TMEM54: variants seen among roughly 807,000 people sequenced by gnomAD.
TMEM54 encodes the protein transmembrane protein 54, also known as beta-casein-like protein.
A neutral mutation model predicts 21.3 loss-of-function variants in TMEM54; 21 were observed. That is an observed-to-expected ratio of 0.99 (90% CI 0.70 to 1.42). TMEM54 has a LOEUF of 1.42. Among genes scored for constraint, TMEM54 ranks in the 40% most tolerant of loss-of-function variants. TMEM54 has a pLI of 0.00. For synonymous variants in TMEM54, 109 were observed against 125.0 expected (o/e 0.87, Z 0.86); for missense variants, 246 against 294.0 (o/e 0.84, Z 1.19).
rs1641570537 is a variant in TMEM54, at chr1:32,895,555, A to G, written c.459T>C (p.Tyr153=). 1.9e-6 allele frequency: 3 copies of G among 1,594,268 alleles called. No homozygotes were observed. The highest frequency in any genetic ancestry group is 1.7e-4 in the Middle Eastern group (1 of 6,040). ...PDCPFDPTRI[Y]SSSLCLWGIA... is the part of the protein sequence containing the mutation. Reference sequence around the variant, plus strand: ...CCCTACTCCAGGCCTAGGTACTCACATAAATGCGTGTGGGGTCGAAGGGAC... The same window carrying G: ...CCCTACTCCAGGCCTAGGTACTCACGTAAATGCGTGTGGGGTCGAAGGGAC... Residue 153 remains tyrosine, a splice_region_variant and synonymous_variant, in exon 4 of 6, where the codon TAT becomes TAC. Coordinates refer to ENST00000373463, the MANE Select transcript of TMEM54 (RefSeq NM_033504.4). The surrounding 1 kb of genome is among the most constrained non-coding windows in gnomAD (Gnocchi z 5.8).
rs1336806311 is a variant in TMEM54, at chr1:32,896,735, TG to T, written c.211-767del. Among the ~76,000 whole-genome samples, 5 of 152,218 alleles carry T rather than the reference TG, an allele frequency of 3.3e-5. No individual in the cohort carries two copies. Among genetic ancestry groups the T allele is most frequent in the African/African-American group, 1.2e-4 (5 of 41,462 alleles). On this transcript the variant is annotated intron_variant, in intron 2 of 5. Transcript: ENST00000373463. This position sits in a 1 kb window ranked among gnomAD's most constrained non-coding sequence, Gnocchi z 4.1. ...CTGATGTTCCTCACTGGACCAGGCT[TG>T]GGCCGGACCCATCTGAGGCAGGTGG...
Position 32,894,681 on chromosome 1 carries a change from C to T in TMEM54, c.*124G>A, listed in dbSNP as rs1157399806. On this transcript the variant is annotated 3_prime_UTR_variant, in exon 6 of 6. Transcript: ENST00000373463. The stretch of plus-strand genomic sequence containing the variant: ...GTGGTGGGGGAGAGGGTTGAAAGCC[C>T]CACTTGGGTCCCCGAGGGTCCATTG... 2 of 1,358,670 alleles carry T rather than the reference C, an allele frequency of 1.5e-6. No individual in the cohort carries two copies. Among genetic ancestry groups the T allele is most frequent in the Admixed American group, 2.1e-5 (1 of 47,128 alleles). The allele number at this position is 1,358,670 out of a possible 1,614,324, so 84.2% of individuals were successfully genotyped here. A position where few individuals can be genotyped will look rare whatever the true frequency, so the allele number is the denominator to read the frequency against.
rs1003369436 is a variant in TMEM54 at position 32,895,742 on chromosome 1, C to T, written c.272G>A (p.Arg91His). The change falls in exon 4 of 6, where the codon CGC (arginine) becomes CAC (histidine). Residue 91 changes from arginine to histidine, a missense_variant and splice_region_variant. Physicochemically the swap from Arg to His is conservative, Grantham distance 29 (BLOSUM62 0). Transcript: ENST00000373463. This position sits in a 1 kb window ranked among gnomAD's most constrained non-coding sequence, Gnocchi z 5.8. ...LSRYLPSTPL[R>H]WTVFSSSVAC... ...CACGCTCGAGCTAAACACTGTCCAG[C>T]GCTGGACGGGGGAGGCCACTGGTCA... 10 of 1,555,072 alleles carry T rather than the reference C, an allele frequency of 6.4e-6. No individual in the cohort carries two copies. The East Asian group carries it at 7.2e-5, about 11-fold the overall frequency.
chr1:32,894,994 G>A (rs1641550752), intron 5 of TMEM54, 115 bp from the exon 6 acceptor site: 1 of 1,497,146 alleles, frequency 6.7e-7, no homozygotes, highest in African/African-American at 1.4e-5. Flanking sequence ...GGGGCAAAGG[G>A]GCATCACTAC....
In TMEM54 at chr1:32,894,665, G is replaced by GA. The variant is rs765516155; in HGVS notation, c.*139dup. 37 of 1,083,814 alleles carry GA rather than the reference G, an allele frequency of 3.4e-5. 2 individuals carry two copies. The highest frequency in any genetic ancestry group is 2.2e-4 in the East Asian group (9 of 41,362). 67.1% of individuals were successfully genotyped at this position (1,083,814 alleles called of 1,614,324 possible). A position where few individuals can be genotyped will look rare whatever the true frequency, so the allele number is the denominator to read the frequency against. ...CAGTGCAGTGGGCTGGGTGGTGGGG[G>GA]AGAGGGTTGAAAGCCCCACTTGGGT... On this transcript the variant is annotated 3_prime_UTR_variant, in exon 6 of 6. Transcript: ENST00000373463.
chr1:32,894,690 T>C lies in TMEM54; in HGVS notation c.*115A>G. The C allele has an allele frequency of 1.4e-6, 2 of 1,435,966 alleles. No individual in the cohort carries two copies. Among genetic ancestry groups the C allele is most frequent in the Non-Finnish European group, 1.9e-6 (2 of 1,053,232 alleles). 89.0% of individuals were successfully genotyped at this position (1,435,966 alleles called of 1,614,324 possible). A position where few individuals can be genotyped will look rare whatever the true frequency, so the allele number is the denominator to read the frequency against. ...GAGAGGGTTGAAAGCCCCACTTGGG[T>C]CCCCGAGGGTCCATTGAGCCCTCTC... is the stretch of plus-strand genomic sequence containing the variant. On this transcript the variant is annotated 3_prime_UTR_variant, in exon 6 of 6. Transcript: ENST00000373463.
chr1:32,897,925 C>G lies in TMEM54; in HGVS notation c.210+201G>C, dbSNP rs1405967823. 7.3e-6 allele frequency: 4 copies of G among 546,102 alleles called. No individual in the cohort carries two copies. The Admixed American group carries it at 1.2e-4, about 17-fold the overall frequency. The allele number at this position is 546,102 out of a possible 1,614,324, so 33.8% of individuals were successfully genotyped here. On this transcript the variant is annotated intron_variant, in intron 2 of 5. Transcript: ENST00000373463. The surrounding 1 kb of genome is among the most constrained non-coding windows in gnomAD (Gnocchi z 4.9). The stretch of plus-strand genomic sequence containing the variant: ...ATGATCTCATCAGTACCCATTAGGA[C>G]CCTCAGAGGTAAACACTGTTACCAT...
At position 32,900,276 on chromosome 1, in the gene TMEM54, G is replaced by C. The variant is rs140827969; in HGVS notation, c.16+947C>G. On this transcript the variant is annotated intron_variant, in intron 1 of 5. Transcript: ENST00000373463. Reference sequence around the variant, plus strand: ...ATTGATTGAGACAGGGTCTTACTCTGTAGCCCAGGCTGGAGTGCACTGGCC... The same window carrying C: ...ATTGATTGAGACAGGGTCTTACTCTCTAGCCCAGGCTGGAGTGCACTGGCC... Among the ~76,000 whole-genome samples the C allele has an allele frequency of 2.1e-3, 320 of 152,342 alleles. 2 individuals are homozygous for C. Among genetic ancestry groups the C allele is most frequent in the African/African-American group, 7.5e-3 (310 of 41,580 alleles).
chr1:32,899,391 GAAAA>G (rs11284140), intron 1 of TMEM54, among the ~76,000 whole-genome samples: 6 of 122,986 alleles, frequency 4.9e-5, no homozygotes, highest in African/African-American at 6.1e-5. Context: ...CTCTGCAGCT[GAAAA>G]AAAAAAAAAA....
At position 32,901,199 on chromosome 1, in the gene TMEM54, T is replaced by C; in HGVS notation, c.16+24A>G. 1 of 1,486,008 alleles carries C rather than the reference T, an allele frequency of 6.7e-7. No homozygotes were observed. Among genetic ancestry groups the C allele is most frequent in the South Asian group, 1.3e-5 (1 of 75,234 alleles). The allele number at this position is 1,486,008 out of a possible 1,614,324, so 92.1% of individuals were successfully genotyped here. On this transcript the variant is annotated intron_variant, in intron 1 of 5. Coordinates refer to ENST00000373463, the MANE Select transcript of TMEM54 (RefSeq NM_033504.4). The surrounding 1 kb of genome is among the most constrained non-coding windows in gnomAD (Gnocchi z 4.2). The stretch of plus-strand genomic sequence containing the variant: ...GGGAGGGTTGGGGTGGTTCGGGGCC[T>C]CCCGCGCGCCCCCAGTCGCTCACCG...
chr1:32,896,123 C>T lies in TMEM54; in HGVS notation c.211-154G>A. On this transcript the variant is annotated intron_variant, in intron 2 of 5. Coordinates refer to ENST00000373463, the MANE Select transcript of TMEM54 (RefSeq NM_033504.4). This position sits in a 1 kb window ranked among gnomAD's most constrained non-coding sequence, Gnocchi z 4.1. ...CTGCTGCTTAGCCTGGGCCTCACATCTCCATCTGCCTCCTCATAGTCCAGC... is the reference window on the plus strand; with the variant it reads ...CTGCTGCTTAGCCTGGGCCTCACATTTCCATCTGCCTCCTCATAGTCCAGC... The T allele has an allele frequency of 1.4e-6, 1 of 690,816 alleles. No individual in the cohort carries two copies. The highest frequency in any genetic ancestry group is 2.4e-6 in the Non-Finnish European group (1 of 423,066). 42.8% of individuals were successfully genotyped at this position (690,816 alleles called of 1,614,324 possible).
chr1:32,897,661 T>C lies in TMEM54; in HGVS notation c.210+465A>G, dbSNP rs1001636297. On this transcript the variant is annotated intron_variant, in intron 2 of 5. Transcript: ENST00000373463. The surrounding 1 kb of genome is among the most constrained non-coding windows in gnomAD (Gnocchi z 4.9). ...TTTCCTGCCTATGCTAGCCTCAGCA[T>C]GCCAATATGTAGGTTCTGGTCATGG... The C allele has an allele frequency of 1.3e-5, 2 of 153,858 alleles. No homozygotes were observed. The highest frequency in any genetic ancestry group is 6.5e-5 in the Admixed American group (1 of 15,364). The allele number at this position is 153,858 out of a possible 1,614,324, so 9.5% of individuals were successfully genotyped here.
rs762363528 is a variant in TMEM54 at position 32,901,180 on chromosome 1, G to A, written c.16+43C>T. ...CTCAGTGCTCCGCTCCTGTGGGAGG[G>A]TTGGGGTGGTTCGGGGCCTCCCGCG... On this transcript the variant is annotated intron_variant, in intron 1 of 5. Coordinates refer to ENST00000373463, the MANE Select transcript of TMEM54 (RefSeq NM_033504.4). This position sits in a 1 kb window ranked among gnomAD's most constrained non-coding sequence, Gnocchi z 4.2. 6.8e-7 allele frequency: 1 copy of A among 1,473,414 alleles called. No individual in the cohort carries two copies. The highest frequency in any genetic ancestry group is 9.1e-7 in the Non-Finnish European group (1 of 1,096,994). The allele number at this position is 1,473,414 out of a possible 1,614,324, so 91.3% of individuals were successfully genotyped here. A position where few individuals can be genotyped will look rare whatever the true frequency, so the allele number is the denominator to read the frequency against.
In TMEM54 at chr1:32,896,326, CAAGG is replaced by C. The variant is rs2124044468; in HGVS notation, c.211-361_211-358del. The C allele has an allele frequency of 5.1e-6, 1 of 195,368 alleles. No homozygotes were observed. The highest frequency in any genetic ancestry group is 2.3e-5 in the African/African-American group (1 of 43,152). The allele number at this position is 195,368 out of a possible 1,614,324, so 12.1% of individuals were successfully genotyped here. ...TTGTGGAAGAAACTAACCCAGTTAG[CAAGG>C]AACTAAAATCAAAATTGTTACATTG... On this transcript the variant is annotated intron_variant, in intron 2 of 5. Coordinates refer to ENST00000373463, the MANE Select transcript of TMEM54 (RefSeq NM_033504.4). The surrounding 1 kb of genome is among the most constrained non-coding windows in gnomAD (Gnocchi z 4.1).
rs1027796180 is a variant in TMEM54, at chr1:32,896,811, G to A, written c.211-842C>T. ...CCTAGCATGTCTTTAGTTCACATGAGAGCCACAACAGAGTGCCTCATCTCT... is the reference window on the plus strand; with the variant it reads ...CCTAGCATGTCTTTAGTTCACATGAAAGCCACAACAGAGTGCCTCATCTCT... On this transcript the variant is annotated intron_variant, in intron 2 of 5. Coordinates refer to ENST00000373463, the MANE Select transcript of TMEM54 (RefSeq NM_033504.4). The surrounding 1 kb of genome is among the most constrained non-coding windows in gnomAD (Gnocchi z 4.1). Among the ~76,000 whole-genome samples the A allele has an allele frequency of 1.3e-5, 2 of 152,234 alleles. No homozygotes were observed. The highest frequency in any genetic ancestry group is 4.8e-5 in the African/African-American group (2 of 41,472).
At chr1:32,898,629 A>T (rs914622366) in intron 1 of TMEM54, among the ~76,000 whole-genome samples, 1 of 152,014 alleles carries the variant, frequency 6.6e-6, no homozygotes, top group South Asian at 2.1e-4. Context: ...AGACTTCGAG[A>T]TCCTCCCACT....
chr1:32,894,608 CT>C lies in TMEM54; in HGVS notation c.*196del. On this transcript the variant is annotated 3_prime_UTR_variant, in exon 6 of 6. Coordinates refer to ENST00000373463, the MANE Select transcript of TMEM54 (RefSeq NM_033504.4). ...TGCAGCCAAATGGAGCATCTCTGTT[CT>C]TTTTAATAATTTCAGAATAAAGTCT... 1 of 587,186 alleles carries C rather than the reference CT, an allele frequency of 1.7e-6. No individual in the cohort carries two copies. The allele number at this position is 587,186 out of a possible 1,614,324, so 36.4% of individuals were successfully genotyped here.
In TMEM54 at chr1:32,897,963, G is replaced by A; in HGVS notation, c.210+163C>T. 1.6e-6 allele frequency: 1 copy of A among 615,478 alleles called. No homozygotes were observed. Among genetic ancestry groups the A allele is most frequent in the South Asian group, 2.3e-5 (1 of 43,956 alleles). The allele number at this position is 615,478 out of a possible 1,614,324, so 38.1% of individuals were successfully genotyped here. A position where few individuals can be genotyped will look rare whatever the true frequency, so the allele number is the denominator to read the frequency against. ...ACACTGTTACCATCTCCATTTGATA[G>A]ATGAAGAAGTTGAGTGACTTGGGCA... On this transcript the variant is annotated intron_variant, in intron 2 of 5. Transcript: ENST00000373463. The surrounding 1 kb of genome is among the most constrained non-coding windows in gnomAD (Gnocchi z 4.9).
At chr1:32,899,303 T>A (rs1321072107) in intron 1 of TMEM54, among the ~76,000 whole-genome samples, 1 of 151,278 alleles carries the variant, frequency 6.6e-6, no homozygotes. Context: ...TCTGATGGGA[T>A]GTGACTCTGA....
Sources: allele counts gnomAD v4.1 joint callset (sites outside exome capture counted in the v4.1 genomes callset), GRCh38; gene constraint gnomAD v4.1.1; non-coding constraint Gnocchi (gnomAD v3.1); transcripts MANE v1.5; gene names NCBI Gene and HGNC (gene_info 2026-07-23, HGNC 2026-07-21).